The following VPS35L variants were observed in gnomAD, a reference collection of about 807,000 sequenced individuals.
VPS35L encodes VPS35 endosomal protein-sorting factor-like.
VPS35L carries 83 observed loss-of-function variants against 133.0 expected under a neutral mutation model. The observed-to-expected ratio is 0.62, with a 90% CI of 0.52 to 0.75. VPS35L has a LOEUF of 0.75. Among genes scored for constraint, VPS35L ranks in the 30% least tolerant of loss-of-function variants. The pLI is 0.00. For synonymous variants in VPS35L, 423 were observed against 449.9 expected, an observed-to-expected ratio of 0.94 and a Z score of 0.76; for missense variants, 1,083 against 1,206.8, an observed-to-expected ratio of 0.90 and a Z score of 1.52.
At chr16:19,685,895 TCTCCTCTCCTTCCTCTCC>T (rs555525182) in intron 28 of VPS35L, among the ~76,000 whole-genome samples, 291 of 152,160 alleles carry the variant, frequency 1.9e-3, no homozygotes, top group Middle Eastern at 3.4e-3. Flanking sequence ...CTCTCCTCTC[TCTCCTCTCCTTCCTCTCC>T]CTCCTCTCCT....
At chr16:19,597,580 A>G (rs1213280589) in intron 8 of VPS35L, among the ~76,000 whole-genome samples, 1 of 152,184 alleles carries the variant, frequency 6.6e-6, no homozygotes, top group Non-Finnish European at 1.5e-5. Context: ...AACCAAGGGA[A>G]TGTTTTACCT....
At chr16:19,645,923 C>T (rs1973932909) in intron 23 of VPS35L, among the ~76,000 whole-genome samples, 2 of 152,070 alleles carry the variant, frequency 1.3e-5, no homozygotes, top group Non-Finnish European at 2.9e-5. Flanking sequence ...AGTAACAGCT[C>T]ATCCCAAAAC....
At chr16:19,641,733 C>T (rs547850650) in intron 21 of VPS35L, among the ~76,000 whole-genome samples, 23 of 152,138 alleles carry the variant, frequency 1.5e-4, no homozygotes, top group South Asian at 6.2e-4. Flanking sequence ...TGGCAAAATT[C>T]GCCTGTTAAG....
At chr16:19,594,845 G>A (rs1972158662) in intron 8 of VPS35L, among the ~76,000 whole-genome samples, 2 of 151,928 alleles carry the variant, frequency 1.3e-5, no homozygotes, top group South Asian at 4.1e-4. Context: ...GGGTAGGGGT[G>A]CAAGTTTAAG....
intron 28 of VPS35L, among the ~76,000 whole-genome samples, chr16:19,689,306 A>G (rs1975584099): frequency 6.7e-6 from 1 of 148,946 alleles, no homozygotes; most frequent in African/African-American, 2.5e-5. Flanking sequence ...AGTCTCGCTC[A>G]GTCACCCAGG....
intron 27 of VPS35L, among the ~76,000 whole-genome samples, chr16:19,675,699 G>A (rs1975041926): frequency 1.3e-5 from 2 of 151,948 alleles, no homozygotes; most frequent in Admixed American, 1.3e-4. Context: ...ACAGGCGTGT[G>A]CCACCATGCC....
At position 19,699,988 on chromosome 16, in the gene VPS35L, T is replaced by C. The variant is rs943116177; in HGVS notation, c.2793+340T>C. On this transcript the variant is annotated intron_variant, in intron 30 of 30. Coordinates refer to ENST00000417362, the MANE Select transcript of VPS35L (RefSeq NM_020314.7). This position sits in a 1 kb window ranked among gnomAD's most constrained non-coding sequence, Gnocchi z 4.2. Reference sequence around the variant, plus strand: ...GGTGCACATGTGTAGTCCCAGCTACTCGGGAGGCTGAAGAGGGAGGATGGC... The same window carrying C: ...GGTGCACATGTGTAGTCCCAGCTACCCGGGAGGCTGAAGAGGGAGGATGGC... Among the ~76,000 whole-genome samples, 3 of 152,066 alleles carry C rather than the reference T, an allele frequency of 2.0e-5. No individual in the cohort carries two copies. The highest frequency in any genetic ancestry group is 6.6e-5 in the Admixed American group (1 of 15,254).
intron 2 of VPS35L, among the ~76,000 whole-genome samples, chr16:19,567,467 G>C (rs1437166654): frequency 1.3e-5 from 2 of 152,170 alleles, no homozygotes; most frequent in Non-Finnish European, 2.9e-5. Context: ...AACTGAGTGT[G>C]GGGGAGAGAT....
chr16:19,559,260 C>T (rs1035398297), intron 1 of VPS35L, among the ~76,000 whole-genome samples: 1 of 152,134 alleles, frequency 6.6e-6, no homozygotes, highest in African/African-American at 2.4e-5. Flanking sequence ...AGTTAAAATG[C>T]AGATCTGATT....
At chr16:19,594,644 CAA>C (rs57187565) in intron 8 of VPS35L, among the ~76,000 whole-genome samples, 804 of 31,344 alleles carry the variant, frequency 0.026, 3 homozygotes, top group African/African-American at 0.083. Context: ...GATTTCGTCT[CAA>C]AAAAAAAAAA....
intron 1 of VPS35L, among the ~76,000 whole-genome samples, chr16:19,560,139 A>G (rs1970982367): frequency 6.6e-6 from 1 of 152,224 alleles, no homozygotes; most frequent in Non-Finnish European, 1.5e-5. Flanking sequence ...GGAACTACTG[A>G]ATCTGATTCT....
At chr16:19,630,962 T>C (rs1327834245) in intron 18 of VPS35L, among the ~76,000 whole-genome samples, 1 of 151,984 alleles carries the variant, frequency 6.6e-6, no homozygotes, top group East Asian at 1.9e-4. Context: ...TGAGCCAAGA[T>C]TGCACTCCTA....
chr16:19,683,370 G>A (rs1311329743), intron 28 of VPS35L, among the ~76,000 whole-genome samples: 3 of 152,174 alleles, frequency 2.0e-5, no homozygotes, highest in African/African-American at 7.2e-5. Flanking sequence ...TTGTGACAGG[G>A]GTATATTGTG....
intron 9 of VPS35L, 92 bp downstream of exon 9, chr16:19,601,815 AG>A: frequency 7.4e-7 from 1 of 1,347,808 alleles, no homozygotes; most frequent in Admixed American, 2.3e-5. Context: ...AGCTTGATAA[AG>A]GTTTTAATTT....
intron 1 of VPS35L, among the ~76,000 whole-genome samples, chr16:19,556,865 C>T (rs1970874439): frequency 6.6e-6 from 1 of 151,674 alleles, no homozygotes; most frequent in Non-Finnish European, 1.5e-5. Context: ...TGGCTCACGC[C>T]TGTAATCCCA....
intron 27 of VPS35L, 89 bp downstream of exon 27, chr16:19,669,388 A>G (rs1974802480): frequency 7.1e-7 from 1 of 1,408,488 alleles, no homozygotes. Context: ...AACTGCAGGA[A>G]CATTCTATCT....
chr16:19,610,384 T>G lies in VPS35L; in HGVS notation c.992T>G (p.Val331Gly). The change falls in exon 12 of 31, where the codon GTG becomes GGG. Residue 331 changes from valine (V) to glycine (G), a missense_variant. Val to Gly is a moderately radical substitution (Grantham distance 109). Transcript: ENST00000417362. The stretch of plus-strand genomic sequence containing the variant: ...ATCAGAGGGATCGGAGACCCACTAG[T>G]GTCGGTGTATGCCCGTGCCTACCTG... ...CMIRGIGDPLVSVYARAYLCR... is the reference protein window; with the variant it reads ...CMIRGIGDPLGSVYARAYLCR... The G allele has an allele frequency of 1.2e-6, 2 of 1,614,132 alleles. No individual in the cohort carries two copies. The highest frequency in any genetic ancestry group is 1.7e-6 in the Non-Finnish European group (2 of 1,180,016).
At chr16:19,680,153 C>T (rs1385982754) in intron 27 of VPS35L, among the ~76,000 whole-genome samples, 1 of 152,212 alleles carries the variant, frequency 6.6e-6, no homozygotes, top group Non-Finnish European at 1.5e-5. Context: ...GCCACTTACC[C>T]TCTCAGTGGC....
At chr16:19,567,628 G>A (rs544851626) in intron 2 of VPS35L, among the ~76,000 whole-genome samples, 5 of 152,096 alleles carry the variant, frequency 3.3e-5, no homozygotes, top group East Asian at 3.9e-4. Context: ...GGCAGCCATC[G>A]CCGGCAGTTG....
Sources: allele counts gnomAD v4.1 joint callset (sites outside exome capture counted in the v4.1 genomes callset), GRCh38; gene constraint gnomAD v4.1.1; non-coding constraint Gnocchi (gnomAD v3.1); transcripts MANE v1.5; gene names NCBI Gene and HGNC (gene_info 2026-07-23, HGNC 2026-07-21).